The following KANSL3 variants were observed in gnomAD, a reference collection of about 807,000 sequenced individuals.
KANSL3 encodes NSL complex protein NSL3.
A neutral mutation model predicts 89.2 loss-of-function variants in KANSL3; 16 were observed. That is an observed-to-expected ratio of 0.18 (90% confidence interval 0.12 to 0.27). KANSL3 has a LOEUF of 0.27. Ranked by LOEUF, KANSL3 falls within the 10% of genes least tolerant of loss-of-function variation. KANSL3 has a pLI of 1.00. For missense variants in KANSL3, 879 were observed against 1,110.6 expected (o/e 0.79, Z 2.96); for synonymous variants, 385 against 419.7 (o/e 0.92, Z 1.01).
In KANSL3 at chr2:96,633,440, G is replaced by A. The variant is rs999424473; in HGVS notation, c.216-1958C>T. On this transcript the variant is annotated intron_variant, in intron 2 of 20. Coordinates refer to ENST00000431828, the MANE Select transcript of KANSL3 (RefSeq NM_001115016.3). Reference sequence around the variant, plus strand: ...AACAAAAATTAGGGTGTGGTGGCACGTGCCTGTAGTCCCAGCTACTCAGGA... The same window carrying A: ...AACAAAAATTAGGGTGTGGTGGCACATGCCTGTAGTCCCAGCTACTCAGGA... 2.6e-5 allele frequency among the ~76,000 whole-genome samples: 4 copies of A among 151,898 alleles called. No individual in the cohort carries two copies. In the South Asian group the frequency reaches 8.3e-4, roughly 32 times the overall value.
rs1446245540 is a variant in KANSL3, at chr2:96,598,074, G to A, written c.2617-2443C>T. The A allele has an allele frequency of 2.5e-5, 25 of 984,768 alleles. No individual in the cohort carries two copies. In the East Asian group the frequency reaches 2.4e-3, roughly 94 times the overall value. 61.0% of individuals were successfully genotyped at this position (984,768 alleles called of 1,614,324 possible). On this transcript the variant is annotated intron_variant, in intron 20 of 20. Coordinates refer to ENST00000431828, the MANE Select transcript of KANSL3 (RefSeq NM_001115016.3). ...GGCCCAGGCCATGGCAAGCTGAGAC[G>A]GATTACCTAACACAGGAGGAAGGGA...
In KANSL3 at chr2:96,608,579, A is replaced by G. The variant is rs567068189; in HGVS notation, c.1670T>C (p.Ile557Thr). 6.2e-6 allele frequency: 10 copies of G among 1,613,968 alleles called. No homozygotes were observed. Among genetic ancestry groups the G allele is most frequent in the East Asian group, 2.2e-5 (1 of 44,880 alleles). ...TCTCTTCAGCAGCTGAGAACTTCCA[A>G]TCTGACTGGACTTCTGGGCAGAGGT... Reference protein sequence around the residue: ...TVTSAQKSSQIGSSQLLKRHV... With the variant: ...TVTSAQKSSQTGSSQLLKRHV... Residue 557 changes from isoleucine to threonine, a missense_variant, in exon 14 of 21, where the codon ATT becomes ACT. Coordinates refer to ENST00000431828, the MANE Select transcript of KANSL3 (RefSeq NM_001115016.3).
chr2:96,591,910 T>C (rs1036509949), downstream of KANSL3, among the ~76,000 whole-genome samples: 3 of 152,186 alleles, frequency 2.0e-5, no homozygotes, highest in African/African-American at 7.2e-5. Flanking sequence ...TGAGAGAATA[T>C]TCCCTTTCAG....
rs2066347659 is a variant in KANSL3 at position 96,593,510 on chromosome 2, A to G, written c.*2101T>C. 2 of 359,838 alleles carry G rather than the reference A, an allele frequency of 5.6e-6. No individual in the cohort carries two copies. The highest frequency in any genetic ancestry group is 4.2e-5 in the South Asian group (2 of 47,986). The allele number at this position is 359,838 out of a possible 1,614,324, so 22.3% of individuals were successfully genotyped here. A position where few individuals can be genotyped will look rare whatever the true frequency, so the allele number is the denominator to read the frequency against. The stretch of plus-strand genomic sequence containing the variant: ...GAAGGGAACTGGAAAACGTGACTCT[A>G]GGCCTCAGCCACTTCCTCTGTTACC... On this transcript the variant is annotated 3_prime_UTR_variant, in exon 21 of 21. Coordinates refer to ENST00000431828, the MANE Select transcript of KANSL3 (RefSeq NM_001115016.3).
intron 16 of KANSL3, 118 bp downstream of exon 16, chr2:96,604,650 ATCAGAAGTAAG>A: frequency 1.1e-6 from 1 of 886,190 alleles, no homozygotes; most frequent in Non-Finnish European, 1.7e-6. Flanking sequence ...AAAGATCCCA[ATCAGAAGTAAG>A]TCACATTTCC....
In KANSL3 at chr2:96,612,466, A is replaced by T. The variant is rs1221964458; in HGVS notation, c.1010T>A (p.Leu337Gln). The change falls in exon 8 of 21, where the codon CTG becomes CAG. Residue 337 changes from leucine to glutamine, a missense_variant. This residue lies in a region of KANSL3 where 198 missense variants were observed against 260.3 expected (regional missense o/e 0.76). Coordinates refer to ENST00000431828, the MANE Select transcript of KANSL3 (RefSeq NM_001115016.3). ...CTGAAATACGGGCATTCTCACCTCCAGCACTTTGCTTCTCACTGCCCCAAT... is the reference window on the plus strand; with the variant it reads ...CTGAAATACGGGCATTCTCACCTCCTGCACTTTGCTTCTCACTGCCCCAAT... The part of the protein sequence containing the change: ...HMIGAVRSKV[L>Q]EIHSHFPHKP... 1 of 1,613,634 alleles carries T rather than the reference A, an allele frequency of 6.2e-7. No individual in the cohort carries two copies. Among genetic ancestry groups the T allele is most frequent in the South Asian group, 1.1e-5 (1 of 91,078 alleles).
At chr2:96,611,214 G>T in intron 9 of KANSL3, 76 bp from the exon 10 acceptor site, 1 of 1,213,386 alleles carries the variant, frequency 8.2e-7, no homozygotes, top group Non-Finnish European at 1.2e-6. Flanking sequence ...TCCAGGAGTG[G>T]TCCAGACCCA....
intron 11 of KANSL3, among the ~76,000 whole-genome samples, chr2:96,609,965 A>AC (rs1478176166): frequency 6.7e-6 from 1 of 149,122 alleles, no homozygotes; most frequent in Non-Finnish European, 1.5e-5. Flanking sequence ...AAAAAAAAAA[A>AC]AAAAAAAAAA....
intron 14 of KANSL3, among the ~76,000 whole-genome samples, chr2:96,607,971 T>C (rs879409572): frequency 1.3e-5 from 2 of 152,242 alleles, no homozygotes; most frequent in Non-Finnish European, 2.9e-5. Flanking sequence ...CTCCCTTTTC[T>C]ATAGCTCCTT....
intron 2 of KANSL3, among the ~76,000 whole-genome samples, chr2:96,633,692 C>T (rs1407499270): frequency 6.6e-6 from 1 of 151,956 alleles, no homozygotes; most frequent in Non-Finnish European, 1.5e-5. Context: ...ATGGTGAAAC[C>T]TCGTCTCTAC....
At chr2:96,586,664 G>A in the KANSL3 span, among the ~76,000 whole-genome samples, 1 of 152,172 alleles carries the variant, frequency 6.6e-6, no homozygotes, top group African/African-American at 2.4e-5. Context: ...TGCCCAGGCT[G>A]GACTGCAGTC....
chr2:96,616,012 TG>T (rs1422016450), intron 5 of KANSL3, among the ~76,000 whole-genome samples: 5 of 152,204 alleles, frequency 3.3e-5, no homozygotes, highest in Non-Finnish European at 7.3e-5. Flanking sequence ...ACAGGCTCTT[TG>T]GAACAGGCAG....
the KANSL3 span, among the ~76,000 whole-genome samples, chr2:96,580,719 G>C: frequency 6.6e-6 from 1 of 152,152 alleles, no homozygotes; most frequent in African/African-American, 2.4e-5. Context: ...ATAAAAGTTT[G>C]CATTTTAAAA....
intron 14 of KANSL3, 36 bp downstream of exon 14, chr2:96,608,472 C>G (rs770948798): frequency 6.2e-7 from 1 of 1,611,208 alleles, no homozygotes; most frequent in Non-Finnish European, 8.5e-7. Context: ...CTACAGAAGA[C>G]AGACCCAAGA....
chr2:96,613,666 C>T (rs755195685), intron 5 of KANSL3, 47 bp from the exon 6 acceptor site: 1 of 1,576,754 alleles, frequency 6.3e-7, no homozygotes, highest in Non-Finnish European at 8.7e-7. Context: ...AAGCAGGAGA[C>T]CTTCCACCAC....
intron 3 of KANSL3, among the ~76,000 whole-genome samples, chr2:96,630,252 C>CA (rs1332404759): frequency 2.0e-5 from 3 of 151,946 alleles, no homozygotes; most frequent in African/African-American, 7.3e-5. Context: ...TCACAATTGC[C>CA]AAAAAATGAA....
chr2:96,631,490 C>A lies in KANSL3; in HGVS notation c.216-8G>T, dbSNP rs2073377687. On this transcript the variant is annotated splice_polypyrimidine_tract_variant and splice_region_variant and intron_variant, in intron 2 of 20. Coordinates refer to ENST00000431828, the MANE Select transcript of KANSL3 (RefSeq NM_001115016.3). ...ATTGGGACGTCTGATTCACTGTAAACAGGTGAGGAAATAGGACCGGGCCAC... is the reference window on the plus strand; with the variant it reads ...ATTGGGACGTCTGATTCACTGTAAAAAGGTGAGGAAATAGGACCGGGCCAC... 1 of 1,559,060 alleles carries A rather than the reference C, an allele frequency of 6.4e-7. No individual in the cohort carries two copies. The highest frequency in any genetic ancestry group is 8.7e-7 in the Non-Finnish European group (1 of 1,150,768).
the KANSL3 span, among the ~76,000 whole-genome samples, chr2:96,584,396 T>C: frequency 2.6e-4 from 39 of 152,230 alleles, no homozygotes; most frequent in Non-Finnish European, 3.8e-4. Flanking sequence ...GTATACAATG[T>C]GTAATGATCA....
At chr2:96,605,640 GC>G in intron 14 of KANSL3, 129 bp from the exon 15 acceptor site, 1 of 739,012 alleles carries the variant, frequency 1.4e-6, no homozygotes, top group Non-Finnish European at 2.3e-6. Context: ...TACGTACAGG[GC>G]CACCCCTCAA....
Sources: allele counts gnomAD v4.1 joint callset (sites outside exome capture counted in the v4.1 genomes callset), GRCh38; gene constraint gnomAD v4.1.1; regional missense constraint gnomAD v4.1.1; transcripts MANE v1.5; gene names NCBI Gene and HGNC (gene_info 2026-07-23, HGNC 2026-07-21).